PDCD1LG2: variants seen among roughly 807,000 people sequenced by gnomAD.
PDCD1LG2 encodes B7 dendritic cell molecule.
Under a neutral mutation model 28.2 loss-of-function variants are expected in PDCD1LG2, and 32 were observed. The observed-to-expected ratio is 1.13, with a 90% confidence interval of 0.86 to 1.52. The LOEUF is 1.52. PDCD1LG2 is among the 40% of genes most tolerant of loss of function. The pLI, the probability that PDCD1LG2 is intolerant of heterozygous loss-of-function variation, is 0.00. For missense variants in PDCD1LG2, 385 were observed against 323.8 expected (o/e 1.19, Z -1.45); for synonymous variants, 116 against 120.2 (o/e 0.97, Z 0.23).
intron 2 of PDCD1LG2, among the ~76,000 whole-genome samples, chr9:5,529,272 T>C (rs546551849): frequency 6.6e-6 from 1 of 152,324 alleles, no homozygotes; most frequent in South Asian, 2.1e-4. Context: ...CTTCTACACA[T>C]TTTGTAGTTG....
intron 2 of PDCD1LG2, among the ~76,000 whole-genome samples, chr9:5,534,327 G>C (rs1820537512): frequency 6.6e-6 from 1 of 152,198 alleles, no homozygotes; most frequent in Non-Finnish European, 1.5e-5. Context: ...TAAGTAACAT[G>C]AGCTCAGACC....
intron 6 of PDCD1LG2, among the ~76,000 whole-genome samples, chr9:5,566,929 C>T (rs1329943): frequency 1 from 151,804 of 152,350 alleles, 75,634 homozygotes; most frequent in South Asian, 1. Flanking sequence ...TCCAGAAAAA[C>T]AGAAGTAAAA....
chr9:5,545,566 G>C (rs935789780), intron 3 of PDCD1LG2, among the ~76,000 whole-genome samples: 1 of 152,158 alleles, frequency 6.6e-6, no homozygotes, highest in Non-Finnish European at 1.5e-5. Flanking sequence ...ATAAAAGAGT[G>C]AGTTCTAAAG....
intron 5 of PDCD1LG2, among the ~76,000 whole-genome samples, chr9:5,560,239 A>G (rs1289104079): frequency 6.6e-6 from 1 of 152,186 alleles, no homozygotes; most frequent in African/African-American, 2.4e-5. Context: ...CCACATGCCC[A>G]TCTTAGCAAG....
intron 2 of PDCD1LG2, among the ~76,000 whole-genome samples, chr9:5,534,047 G>A (rs533018017): frequency 1.3e-5 from 2 of 151,844 alleles, no homozygotes; most frequent in Admixed American, 1.3e-4. Flanking sequence ...TTCTGGCTGT[G>A]CAATCTTGGG....
intron 3 of PDCD1LG2, among the ~76,000 whole-genome samples, chr9:5,545,443 C>G (rs922492522): frequency 2.0e-5 from 3 of 152,220 alleles, no homozygotes; most frequent in Non-Finnish European, 4.4e-5. Flanking sequence ...AAGACTGCTT[C>G]TAGAGGAAGT....
chr9:5,519,171 T>C (rs1037814726), intron 1 of PDCD1LG2, among the ~76,000 whole-genome samples: 2 of 152,088 alleles, frequency 1.3e-5, no homozygotes, highest in African/African-American at 4.8e-5. Flanking sequence ...GATTAGCTGA[T>C]ATAAATAATT....
At chr9:5,513,271 T>G (rs1820095668) in intron 1 of PDCD1LG2, among the ~76,000 whole-genome samples, 1 of 152,244 alleles carries the variant, frequency 6.6e-6, no homozygotes, top group Non-Finnish European at 1.5e-5. Context: ...TGAGACTGCT[T>G]CTGAGTCAGC....
chr9:5,521,337 G>C (rs142652541), intron 1 of PDCD1LG2, among the ~76,000 whole-genome samples: 1 of 152,244 alleles, frequency 6.6e-6, no homozygotes, highest in African/African-American at 2.4e-5. Flanking sequence ...AAAAACCACA[G>C]AGTCGTGCAC....
intron 3 of PDCD1LG2, 119 bp from the exon 4 acceptor site, chr9:5,549,216 T>C: frequency 1.1e-6 from 1 of 950,492 alleles, no homozygotes; most frequent in Non-Finnish European, 1.6e-6. Context: ...TTACAAATGA[T>C]AACCATTATT....
chr9:5,521,962 T>TAGGGA (rs1820283265), intron 1 of PDCD1LG2, among the ~76,000 whole-genome samples: 2 of 152,136 alleles, frequency 1.3e-5, no homozygotes, highest in East Asian at 3.9e-4. Flanking sequence ...CAGAGCCAGT[T>TAGGGA]CCCTACTCTC....
rs530424915 is a variant in PDCD1LG2 at position 5,536,385 on chromosome 9, C to G, written c.361+1335C>G. Among the ~76,000 whole-genome samples the G allele has an allele frequency of 1.1e-4, 17 of 152,280 alleles. 1 individual carries two copies. The South Asian group carries it at 3.5e-3, about 32-fold the overall frequency. On this transcript the variant is annotated intron_variant, in intron 3 of 6. Transcript: ENST00000397747. The stretch of plus-strand genomic sequence containing the variant: ...GGCAGTGACCTCCTCACACCTCAAC[C>G]ATCAATGAGTCACCAGGAAAGCCAT...
At chr9:5,520,859 C>T (rs1820259563) in intron 1 of PDCD1LG2, among the ~76,000 whole-genome samples, 1 of 152,114 alleles carries the variant, frequency 6.6e-6, no homozygotes, top group South Asian at 2.1e-4. Flanking sequence ...CAATTCTACT[C>T]CTACATATGT....
intron 2 of PDCD1LG2, among the ~76,000 whole-genome samples, chr9:5,533,336 C>T (rs1218902287): frequency 6.6e-6 from 1 of 152,076 alleles, no homozygotes; most frequent in African/African-American, 2.4e-5. Flanking sequence ...ACTCCTTATG[C>T]TTTTTTTATA....
intron 1 of PDCD1LG2, among the ~76,000 whole-genome samples, chr9:5,519,329 A>G (rs1820229878): frequency 6.6e-6 from 1 of 152,158 alleles, no homozygotes; most frequent in African/African-American, 2.4e-5. Context: ...GTTGGTTTGC[A>G]TTTGAAAGGT....
At chr9:5,513,320 T>C (rs1820096466) in intron 1 of PDCD1LG2, among the ~76,000 whole-genome samples, 1 of 152,226 alleles carries the variant, frequency 6.6e-6, no homozygotes, top group Non-Finnish European at 1.5e-5. Context: ...CCCCAAATCC[T>C]ACCAGTGCTT....
chr9:5,557,255 AGATGGATGGATTGATG>A (rs969153461), intron 4 of PDCD1LG2, among the ~76,000 whole-genome samples: 13 of 97,724 alleles, frequency 1.3e-4, no homozygotes, highest in Non-Finnish European at 2.2e-4. Context: ...ATTAGATGAT[AGATGGATGGATTGATG>A]GATGGATGGA....
intron 1 of PDCD1LG2, among the ~76,000 whole-genome samples, chr9:5,515,925 A>T (rs868611138): frequency 3.4e-4 from 33 of 97,916 alleles, no homozygotes; most frequent in Middle Eastern, 4.6e-3. Flanking sequence ...TCCATCTCAA[A>T]AAAAAAAAAA....
intron 4 of PDCD1LG2, among the ~76,000 whole-genome samples, chr9:5,555,678 T>G (rs1186545368): frequency 1.3e-5 from 2 of 152,218 alleles, no homozygotes; most frequent in Non-Finnish European, 2.9e-5. Context: ...TTCTCCAGGA[T>G]GTTGTCCCTA....
Sources: gnomAD v4.1 joint callset for allele counts (sites outside exome capture counted in the v4.1 genomes callset) on GRCh38, gnomAD v4.1.1 for gene constraint, MANE v1.5 for transcripts, NCBI Gene and HGNC (gene_info 2026-07-23, HGNC 2026-07-21) for gene names.